Variants in ENTPD1 observed in about 807,000 individuals in gnomAD.
The protein encoded by ENTPD1 is ectonucleoside triphosphate diphosphohydrolase 1, also known as ATP diphosphohydrolase.
A neutral mutation model predicts 57.0 loss-of-function variants in ENTPD1; 33 were observed. That is an observed-to-expected ratio of 0.58 (90% confidence interval 0.44 to 0.77). The LOEUF is 0.77. ENTPD1 is among the 30% of genes least tolerant of loss of function. The pLI, the probability that ENTPD1 is intolerant of heterozygous loss-of-function variation, is 0.00. For synonymous variants in ENTPD1, 202 were observed against 218.8 expected (o/e 0.92, Z 0.68); for missense variants, 501 against 603.4 (o/e 0.83, Z 1.78).
At chr10:95,786,635 G>T (rs1005422358) in intron 1 of ENTPD1, among the ~76,000 whole-genome samples, 3 of 152,170 alleles carry the variant, frequency 2.0e-5, no homozygotes, top group Non-Finnish European at 2.9e-5. Flanking sequence ...AGCAGAGAAA[G>T]CACCAAATCT....
chr10:95,872,562 T>C lies in ENTPD1; in HGVS notation c.*6179T>C, dbSNP rs2098481684. On this transcript the variant is annotated 3_prime_UTR_variant, in exon 10 of 10. Transcript: ENST00000371205. The stretch of plus-strand genomic sequence containing the variant: ...TCTTCCTTGTGCTACCACAACCCTT[T>C]AACTGAGCCTCCATTAGTGCACTGA... The C allele has an allele frequency of 1.0e-6, 1 of 985,428 alleles. No individual in the cohort carries two copies. Among genetic ancestry groups the C allele is most frequent in the Non-Finnish European group, 1.2e-6 (1 of 829,904 alleles). 61.0% of individuals were successfully genotyped at this position (985,428 alleles called of 1,614,324 possible). A position where few individuals can be genotyped will look rare whatever the true frequency, so the allele number is the denominator to read the frequency against.
intron 1 of ENTPD1, among the ~76,000 whole-genome samples, chr10:95,786,648 TG>T (rs2098181169): frequency 6.6e-6 from 1 of 152,112 alleles, no homozygotes; most frequent in Non-Finnish European, 1.5e-5. Context: ...CCAAATCTAG[TG>T]AGAAAAAGTT....
intron 1 of ENTPD1, among the ~76,000 whole-genome samples, chr10:95,781,932 T>C (rs2098159655): frequency 6.6e-6 from 1 of 152,226 alleles, no homozygotes; most frequent in Non-Finnish European, 1.5e-5. Flanking sequence ...AAGCCTGTTA[T>C]GCCTTCACCA....
chr10:95,698,091 T>C, the ENTPD1 span, among the ~76,000 whole-genome samples: 5 of 152,208 alleles, frequency 3.3e-5, no homozygotes, highest in African/African-American at 1.2e-4. Flanking sequence ...GATAGAAATA[T>C]GGACAGTAAA....
chr10:95,703,781 C>CAAA, the ENTPD1 span, among the ~76,000 whole-genome samples: 3 of 73,398 alleles, frequency 4.1e-5, no homozygotes, highest in Admixed American at 1.7e-4. Flanking sequence ...GACTCTGTCT[C>CAAA]AAAAAAAAAA....
chr10:95,733,999 G>T, intron 1 of ENTPD1, among the ~76,000 whole-genome samples: 1 of 152,148 alleles, frequency 6.6e-6, no homozygotes, highest in Non-Finnish European at 1.5e-5. Context: ...CTGTTCTGTG[G>T]TCATGTCCTG....
At chr10:95,751,681 C>T (rs1002689740), upstream of ENTPD1, among the ~76,000 whole-genome samples, 1 of 149,376 alleles carries the variant, frequency 6.7e-6, no homozygotes, top group Non-Finnish European at 1.5e-5. Context: ...TGCCACTGCA[C>T]TCCAGCCTGG....
chr10:95,723,045 C>T (rs889985827), intron 1 of ENTPD1, among the ~76,000 whole-genome samples: 2 of 152,118 alleles, frequency 1.3e-5, no homozygotes, highest in Admixed American at 6.5e-5. Flanking sequence ...GGGCCATCTG[C>T]GGGTTACTGG....
At chr10:95,735,684 C>T (rs2097993935) in intron 1 of ENTPD1, among the ~76,000 whole-genome samples, 1 of 152,146 alleles carries the variant, frequency 6.6e-6, no homozygotes, top group Admixed American at 6.5e-5. Flanking sequence ...CAACCTCCAC[C>T]TCCCGGGTTC....
the ENTPD1 span, among the ~76,000 whole-genome samples, chr10:95,699,277 G>A: frequency 4.1e-3 from 623 of 152,248 alleles, 2 homozygotes; most frequent in Middle Eastern, 0.02. Flanking sequence ...ATCTATTAGA[G>A]AGGAATCAAC....
chr10:95,785,953 C>T (rs1052707759), intron 1 of ENTPD1, among the ~76,000 whole-genome samples: 5 of 152,136 alleles, frequency 3.3e-5, no homozygotes, highest in Non-Finnish European at 7.4e-5. Flanking sequence ...GGATGGCAAG[C>T]GTTTTTCTTG....
chr10:95,839,902 C>T (rs1362582703), intron 3 of ENTPD1, 94 bp downstream of exon 3: 6 of 1,253,422 alleles, frequency 4.8e-6, no homozygotes, highest in Admixed American at 3.4e-5. Context: ...AAAGGAGTCC[C>T]ACGCATAGGA....
chr10:95,806,857 G>A (rs1213334509), intron 1 of ENTPD1, among the ~76,000 whole-genome samples: 1 of 152,174 alleles, frequency 6.6e-6, no homozygotes, highest in Non-Finnish European at 1.5e-5. Context: ...AGCAAATATT[G>A]CTGCCTGATC....
At chr10:95,799,191 A>G (rs986608404) in intron 1 of ENTPD1, among the ~76,000 whole-genome samples, 1 of 152,174 alleles carries the variant, frequency 6.6e-6, no homozygotes, top group East Asian at 1.9e-4. Flanking sequence ...GGTCTGTTAT[A>G]TAGGCAAACT....
At chr10:95,843,973 C>G (rs776883644) in intron 4 of ENTPD1, among the ~76,000 whole-genome samples, 5 of 152,310 alleles carry the variant, frequency 3.3e-5, no homozygotes, top group East Asian at 1.9e-4. Context: ...GAAGATTTTT[C>G]CCAGTCTGGC....
intron 1 of ENTPD1, among the ~76,000 whole-genome samples, chr10:95,736,152 C>T (rs2097994502): frequency 2.0e-5 from 3 of 152,018 alleles, no homozygotes; most frequent in Admixed American, 2.0e-4. Flanking sequence ...AGGCTCATGC[C>T]ACCATGCTAG....
At chr10:95,838,867 T>C (rs1205608554) in intron 2 of ENTPD1, among the ~76,000 whole-genome samples, 1 of 152,244 alleles carries the variant, frequency 6.6e-6, no homozygotes, top group African/African-American at 2.4e-5. Flanking sequence ...TTTCTGTTTC[T>C]AGTTCTTTCT....
At chr10:95,811,183 G>A (rs1476990027) in intron 1 of ENTPD1, among the ~76,000 whole-genome samples, 2 of 152,180 alleles carry the variant, frequency 1.3e-5, no homozygotes, top group Non-Finnish European at 2.9e-5. Context: ...AGAACTTTGA[G>A]TCCACCCAAA....
Position 95,872,880 on chromosome 10 carries a change from T to C in ENTPD1, c.*6497T>C. 1.0e-6 allele frequency: 1 copy of C among 985,446 alleles called. No homozygotes were observed. The highest frequency in any genetic ancestry group is 1.2e-6 in the Non-Finnish European group (1 of 829,936). The allele number at this position is 985,446 out of a possible 1,614,324, so 61.0% of individuals were successfully genotyped here. A position where few individuals can be genotyped will look rare whatever the true frequency, so the allele number is the denominator to read the frequency against. ...TGAAGCTTTTATTCCCCTAGCCACA[T>C]GGAACTTTTCCTTTTTGGAACATGC... is the stretch of plus-strand genomic sequence containing the variant. On this transcript the variant is annotated 3_prime_UTR_variant, in exon 10 of 10. Coordinates refer to ENST00000371205, the MANE Select transcript of ENTPD1 (RefSeq NM_001776.6).
Sources: allele counts gnomAD v4.1 joint callset (sites outside exome capture counted in the v4.1 genomes callset), GRCh38; gene constraint gnomAD v4.1.1; transcripts MANE v1.5; gene names NCBI Gene and HGNC (gene_info 2026-07-23, HGNC 2026-07-21).